The following TANGO6 variants were observed in gnomAD, a reference collection of about 807,000 sequenced individuals.
TANGO6 encodes transport and Golgi organization protein 6 homolog.
Under a neutral mutation model 114.2 loss-of-function variants are expected in TANGO6, and 90 were observed. The ratio of observed to expected loss-of-function variants is 0.79; its 90% CI spans 0.66 to 0.94. TANGO6 has a LOEUF of 0.94. TANGO6 is among the 40% of genes least tolerant of loss of function. The pLI is 0.00. For synonymous variants in TANGO6, 477 were observed against 509.8 expected (o/e 0.94, Z 0.87); for missense variants, 1,274 against 1,315.3 (o/e 0.97, Z 0.49).
intron 9 of TANGO6, among the ~76,000 whole-genome samples, chr16:68,904,644 A>G (rs1383089920): frequency 6.6e-6 from 1 of 152,196 alleles, no homozygotes; most frequent in East Asian, 1.9e-4. Flanking sequence ...GTCATTGGTC[A>G]CTGAAATAAC....
intron 15 of TANGO6, among the ~76,000 whole-genome samples, chr16:69,008,738 G>T (rs1385752971): frequency 2.6e-5 from 4 of 151,882 alleles, no homozygotes; most frequent in African/African-American, 9.7e-5. Context: ...TGCCTCCCAG[G>T]CTCAACCAAT....
intron 14 of TANGO6, among the ~76,000 whole-genome samples, chr16:68,942,584 A>G (rs1007093945): frequency 1.3e-5 from 2 of 152,234 alleles, no homozygotes; most frequent in Admixed American, 1.3e-4. Flanking sequence ...GGTCTAGGTT[A>G]TAAGAGTAAC....
chr16:69,052,417 C>T (rs1959966419), intron 17 of TANGO6, among the ~76,000 whole-genome samples: 1 of 151,826 alleles, frequency 6.6e-6, no homozygotes, highest in Admixed American at 6.6e-5. Context: ...TACAAGCACA[C>T]ACCACCACAC....
chr16:68,879,731 C>T (rs886143037), intron 6 of TANGO6, among the ~76,000 whole-genome samples: 1 of 151,206 alleles, frequency 6.6e-6, no homozygotes, highest in Non-Finnish European at 1.5e-5. Flanking sequence ...ATTCTCCTGC[C>T]TCAGCCTCCT....
chr16:69,018,161 T>TTTTTTTA (rs1421954599), intron 15 of TANGO6, among the ~76,000 whole-genome samples: 1 of 142,284 alleles, frequency 7.0e-6, no homozygotes, highest in African/African-American at 2.7e-5. Context: ...TTTTTTTTTT[T>TTTTTTTA]GAGACAGAGT....
chr16:69,023,076 G>A, intron 16 of TANGO6, 97 bp downstream of exon 16: 2 of 1,294,972 alleles, frequency 1.5e-6, no homozygotes. Context: ...TCTTTTTGCA[G>A]ATCTGCCACT....
chr16:68,909,456 A>G (rs753650455), intron 11 of TANGO6, 54 bp downstream of exon 11: 5 of 1,423,180 alleles, frequency 3.5e-6, no homozygotes, highest in Non-Finnish European at 4.6e-6. Context: ...CAAAAAATAA[A>G]GTTTAAAAAT....
chr16:68,898,290 G>C (rs775672252), intron 7 of TANGO6, among the ~76,000 whole-genome samples: 7 of 152,152 alleles, frequency 4.6e-5, no homozygotes, highest in Non-Finnish European at 8.8e-5. Context: ...TGGCTAACAG[G>C]CTCCAGAGAG....
At chr16:68,966,912 C>T (rs137879512) in intron 14 of TANGO6, among the ~76,000 whole-genome samples, 54 of 151,954 alleles carry the variant, frequency 3.6e-4, no homozygotes, top group African/African-American at 1.2e-3. Context: ...GCTGGGAATA[C>T]ACGTATGCAC....
At chr16:69,056,715 T>C (rs1436120670) in intron 17 of TANGO6, among the ~76,000 whole-genome samples, 1 of 152,184 alleles carries the variant, frequency 6.6e-6, no homozygotes, top group Non-Finnish European at 1.5e-5. Flanking sequence ...CTAAAGCTCA[T>C]GAAGAGACAA....
chr16:68,904,254 G>A lies in TANGO6; in HGVS notation c.1667+1750G>A, dbSNP rs147420074. Among the ~76,000 whole-genome samples the A allele has an allele frequency of 3.5e-3, 529 of 152,174 alleles. 3 individuals are homozygous for A. Among genetic ancestry groups the A allele is most frequent in the African/African-American group, 0.011 (436 of 41,518 alleles). On this transcript the variant is annotated intron_variant, in intron 9 of 17. Transcript: ENST00000261778. ...GCCAAGTAGCTGGGACTACAGGTGC[G>A]CGCCACCATGCCAGGCTAACGTCGT...
chr16:69,020,904 ATGTG>A (rs34350425), intron 15 of TANGO6, among the ~76,000 whole-genome samples: 8,617 of 87,198 alleles, frequency 0.099, 663 homozygotes, highest in African/African-American at 0.2. Context: ...ATATGTATGT[ATGTG>A]TGTGTGTGTG....
intron 15 of TANGO6, among the ~76,000 whole-genome samples, chr16:69,017,529 CCTT>C (rs1350583623): frequency 6.6e-6 from 1 of 152,084 alleles, no homozygotes; most frequent in Non-Finnish European, 1.5e-5. Context: ...TGACAAGGAA[CCTT>C]CTTCCTTTAA....
chr16:69,027,592 C>G (rs1289452884), intron 16 of TANGO6, among the ~76,000 whole-genome samples: 1 of 152,012 alleles, frequency 6.6e-6, no homozygotes, highest in Non-Finnish European at 1.5e-5. Flanking sequence ...TAAGAGAAGG[C>G]TTTTATGGGT....
chr16:69,001,300 T>A (rs1467103365), intron 15 of TANGO6, among the ~76,000 whole-genome samples: 4 of 152,202 alleles, frequency 2.6e-5, no homozygotes, highest in African/African-American at 9.7e-5. Context: ...ATAGAAATAG[T>A]TTATGACCTT....
chr16:68,884,841 T>A (rs1260815097), intron 7 of TANGO6, among the ~76,000 whole-genome samples: 1 of 152,214 alleles, frequency 6.6e-6, no homozygotes, highest in East Asian at 1.9e-4. Context: ...AGGAAACCTT[T>A]ATAGTTTGGT....
chr16:69,049,091 T>C (rs774165488), intron 17 of TANGO6, among the ~76,000 whole-genome samples: 14 of 152,232 alleles, frequency 9.2e-5, no homozygotes, highest in East Asian at 1.9e-4. Context: ...TGAGACATAA[T>C]TTATATAGTA....
intron 15 of TANGO6, among the ~76,000 whole-genome samples, chr16:69,018,966 A>G (rs1175449294): frequency 6.6e-6 from 1 of 152,080 alleles, no homozygotes; most frequent in African/African-American, 2.4e-5. Flanking sequence ...ATAGTAGGAA[A>G]AGTTGTGTGT....
At chr16:69,070,746 ATATTATTATTATTATTATTATTAT>A (rs145226838) in intron 17 of TANGO6, among the ~76,000 whole-genome samples, 1 of 141,752 alleles carries the variant, frequency 7.1e-6, no homozygotes, top group Non-Finnish European at 1.5e-5. Flanking sequence ...GCAAGAATCA[ATATTATTATTATTATTATTATTAT>A]TATTATTATT....
Sources: gnomAD v4.1 joint callset for allele counts (sites outside exome capture counted in the v4.1 genomes callset) on GRCh38, gnomAD v4.1.1 for gene constraint, MANE v1.5 for transcripts, NCBI Gene and HGNC (gene_info 2026-07-23, HGNC 2026-07-21) for gene names.